CCDC163: variants seen among roughly 807,000 people sequenced by gnomAD.
CCDC163 encodes CCDC163 homolog.
In CCDC163, 13 loss-of-function variants were observed where a neutral mutation model predicts 8.2. That is an observed-to-expected ratio of 1.59 (90% confidence interval 1.04 to 2.54). CCDC163 has a LOEUF of 2.54. CCDC163 is among the 30% of genes most tolerant of loss of function. CCDC163 has a pLI of 0.00. For missense variants in CCDC163, 117 were observed against 78.6 expected (o/e 1.49, Z -1.85); for synonymous variants, 41 against 30.9 (o/e 1.33, Z -1.08).
intron 3 of CCDC163, 23 bp downstream of exon 3, chr1:45,497,276 G>A (rs1553161695): frequency 9.1e-6 from 7 of 771,098 alleles, no homozygotes; most frequent in African/African-American, 1.7e-5. Flanking sequence ...ACGCATATTC[G>A]CCCCCAACCA....
chr1:45,499,198 A>C, intron 2 of CCDC163, 147 bp downstream of exon 2: 1 of 653,010 alleles, frequency 1.5e-6, no homozygotes, highest in South Asian at 1.8e-5. Flanking sequence ...TGAGGAAATA[A>C]GGAAGGGTTA....
rs1643500226 is a variant in CCDC163 at position 45,500,016 on chromosome 1, A to T, written c.-407T>A. On this transcript the variant is annotated 5_prime_UTR_variant, in exon 1 of 5. Coordinates refer to ENST00000629482, the MANE Select transcript of CCDC163 (RefSeq NM_001102601.3). ...ACTTTGGACTGGCTGCCGCAGCGCC[A>T]CCTGGGAAACTGAGGTCGCCTCTTG... 1.4e-5 allele frequency: 7 copies of T among 513,084 alleles called. No homozygotes were observed. The highest frequency in any genetic ancestry group is 2.5e-5 in the Non-Finnish European group (7 of 282,178). 31.8% of individuals were successfully genotyped at this position (513,084 alleles called of 1,614,324 possible).
rs1483573714 is a variant in CCDC163, at chr1:45,499,640, G to A, written c.-31C>T. 1 of 737,734 alleles carries A rather than the reference G, an allele frequency of 1.4e-6. No individual in the cohort carries two copies. The highest frequency in any genetic ancestry group is 2.5e-6 in the Non-Finnish European group (1 of 396,326). The allele number at this position is 737,734 out of a possible 1,614,324, so 45.7% of individuals were successfully genotyped here. On this transcript the variant is annotated 5_prime_UTR_variant, in exon 1 of 5. Coordinates refer to ENST00000629482, the MANE Select transcript of CCDC163 (RefSeq NM_001102601.3). ...GTGGCAGGGGAGCGGCAGGGGTCTG[G>A]CTCCCTGGTGTCTTGTGCTTGCTCT... is the stretch of plus-strand genomic sequence containing the variant.
In CCDC163 at chr1:45,499,551, C is replaced by G; in HGVS notation, c.59G>C (p.Gly20Ala). Residue 20 changes from glycine (G) to alanine (A), a missense_variant, in exon 1 of 5, where the codon GGA becomes GCA. Physicochemically the swap from Gly to Ala is moderately conservative, Grantham distance 60. Transcript: ENST00000629482. The part of the protein sequence containing the change: ...QLDVLLNATD[G>A]NVVRNKQWLY... ...CCTCACCTTATTCCGGACCACATTT[C>G]CATCAGTAGCGTTGAGAAGCACATC... 1.3e-6 allele frequency: 1 copy of G among 779,138 alleles called. No individual in the cohort carries two copies. Among genetic ancestry groups the G allele is most frequent in the Non-Finnish European group, 2.4e-6 (1 of 417,250 alleles). 48.3% of individuals were successfully genotyped at this position (779,138 alleles called of 1,614,324 possible).
intron 4 of CCDC163, 145 bp from the exon 5 acceptor site, chr1:45,495,311 A>T: frequency 1.4e-6 from 1 of 703,258 alleles, no homozygotes; most frequent in Non-Finnish European, 2.6e-6. Flanking sequence ...GTTCACAGAA[A>T]GGCAGAGACT....
intron 2 of CCDC163, among the ~76,000 whole-genome samples, chr1:45,497,604 T>A: frequency 1.5e-5 from 2 of 133,004 alleles, no homozygotes; most frequent in Non-Finnish European, 3.2e-5. Context: ...CCGCCTGCCT[T>A]GGCCTCCCAA....
In CCDC163 at chr1:45,495,148, A is replaced by C. The variant is rs758702394; in HGVS notation, c.349T>G (p.Phe117Val). The change falls in exon 5 of 5, where the codon TTT becomes GTT. Residue 117 changes from phenylalanine (F) to valine (V), a missense_variant. By Grantham distance (50) the Phe-to-Val change is conservative. Transcript: ENST00000629482. ...GSWKIPRGAP[F>V]LTWSPASFSS... ...AAAGATGCTGGGCTCCAGGTTAGAA[A>C]GGGTGCTCCTCTGGGGATCTAAGAG... 3 of 780,742 alleles carry C rather than the reference A, an allele frequency of 3.8e-6. No homozygotes were observed. Among genetic ancestry groups the C allele is most frequent in the Non-Finnish European group, 7.2e-6 (3 of 417,992 alleles). The allele number at this position is 780,742 out of a possible 1,614,324, so 48.4% of individuals were successfully genotyped here. A position where few individuals can be genotyped will look rare whatever the true frequency, so the allele number is the denominator to read the frequency against.
At chr1:45,499,056 G>T (rs970178816) in intron 2 of CCDC163, among the ~76,000 whole-genome samples, 25 of 152,214 alleles carry the variant, frequency 1.6e-4, no homozygotes, top group African/African-American at 5.8e-4. Flanking sequence ...GAGAGGATGG[G>T]CTCTAGGACT....
At chr1:45,497,661 G>C (rs1474863466) in intron 2 of CCDC163, among the ~76,000 whole-genome samples, 1 of 93,498 alleles carries the variant, frequency 1.1e-5, no homozygotes, top group Non-Finnish European at 2.1e-5. Context: ...CGTCTGGGAA[G>C]TGAGGAGCGT....
intron 2 of CCDC163, among the ~76,000 whole-genome samples, chr1:45,497,643 C>T (rs1429004135): frequency 9.1e-4 from 69 of 75,988 alleles, no homozygotes; most frequent in East Asian, 3.0e-3. Flanking sequence ...TCTGCCCGGC[C>T]GCCACCCCGT....
rs906730931 is a variant in CCDC163 at position 45,494,126 on chromosome 1, T to A, written c.*933A>T. The A allele has an allele frequency of 3.3e-5, 5 of 151,852 alleles. No homozygotes were observed. Among genetic ancestry groups the A allele is most frequent in the African/African-American group, 1.2e-4 (5 of 41,294 alleles). 9.4% of individuals were successfully genotyped at this position (151,852 alleles called of 1,614,324 possible). On this transcript the variant is annotated 3_prime_UTR_variant, in exon 5 of 5. Coordinates refer to ENST00000629482, the MANE Select transcript of CCDC163 (RefSeq NM_001102601.3). ...GAAATGCAGTCTGGGCTGCTAAGGA[T>A]GATGTGTGGAGATGCCAAAGAGAGC...
rs1654128291 is a variant in CCDC163, at chr1:45,496,336, C to T, written c.330+220G>A. On this transcript the variant is annotated intron_variant, in intron 4 of 4. Transcript: ENST00000629482. ...CTCCCCATGACTGTCCTCTTCAGCA[C>T]ACTTGGAACCCTCATGTCGGCAAGG... is the stretch of plus-strand genomic sequence containing the variant. The T allele has an allele frequency of 7.6e-6, 5 of 655,716 alleles. No homozygotes were observed. The Admixed American group carries it at 1.1e-4, about 14-fold the overall frequency. The allele number at this position is 655,716 out of a possible 1,614,324, so 40.6% of individuals were successfully genotyped here. A position where few individuals can be genotyped will look rare whatever the true frequency, so the allele number is the denominator to read the frequency against.
At chr1:45,497,988 G>C (rs1643396444) in intron 2 of CCDC163, among the ~76,000 whole-genome samples, 2 of 149,260 alleles carry the variant, frequency 1.3e-5, no homozygotes, top group Non-Finnish European at 3.0e-5. Context: ...TGCCGTGTCT[G>C]TGTAGAAAGA....
In CCDC163 at chr1:45,499,562, G is replaced by A. The variant is rs759978591; in HGVS notation, c.48C>T (p.Asn16=). The A allele has an allele frequency of 6.4e-6, 5 of 778,768 alleles. No homozygotes were observed. The highest frequency in any genetic ancestry group is 1.2e-5 in the Non-Finnish European group (5 of 417,130). The allele number at this position is 778,768 out of a possible 1,614,324, so 48.2% of individuals were successfully genotyped here. A position where few individuals can be genotyped will look rare whatever the true frequency, so the allele number is the denominator to read the frequency against. ...SWFEQLDVLL[N]ATDGNVVRNK... ...TCCGGACCACATTTCCATCAGTAGC[G>A]TTGAGAAGCACATCCAGCTGCTCAA... The change falls in exon 1 of 5, where the codon AAC becomes AAT. Residue 16 remains asparagine (N), a synonymous_variant. Coordinates refer to ENST00000629482, the MANE Select transcript of CCDC163 (RefSeq NM_001102601.3).
rs372194476 is a variant in CCDC163 at position 45,496,527 on chromosome 1, T to G, written c.330+29A>C. 9 of 778,572 alleles carry G rather than the reference T, an allele frequency of 1.2e-5. No homozygotes were observed. The South Asian group carries it at 1.2e-4, about 11-fold the overall frequency. 48.2% of individuals were successfully genotyped at this position (778,572 alleles called of 1,614,324 possible). A position where few individuals can be genotyped will look rare whatever the true frequency, so the allele number is the denominator to read the frequency against. ...AGGAAAGGTCCTCCATAGAGAAATA[T>G]GCAGAGACAAGTCTGAACCTAGTCC... On this transcript the variant is annotated intron_variant, in intron 4 of 4. Coordinates refer to ENST00000629482, the MANE Select transcript of CCDC163 (RefSeq NM_001102601.3).
intron 4 of CCDC163, chr1:45,495,426 C>G (rs1439067303): frequency 1.4e-6 from 1 of 702,810 alleles, no homozygotes; most frequent in South Asian, 1.5e-5. Context: ...ACCTGGCTTC[C>G]ATAAAAGTTC....
At position 45,499,702 on chromosome 1, in the gene CCDC163, C is replaced by T. The variant is rs1197106205; in HGVS notation, c.-93G>A. ...ATACCCAAGGTATCCCCAGGAAAGG[C>T]CACCACGTTAGATGGAAAGAGGGAA... On this transcript the variant is annotated 5_prime_UTR_variant, in exon 1 of 5. Transcript: ENST00000629482. 7.3e-6 allele frequency: 5 copies of T among 687,396 alleles called. No individual in the cohort carries two copies. The highest frequency in any genetic ancestry group is 2.4e-4 in the Middle Eastern group (1 of 4,182). 42.6% of individuals were successfully genotyped at this position (687,396 alleles called of 1,614,324 possible).
At chr1:45,496,288 G>A in intron 4 of CCDC163, 2 of 535,890 alleles carry the variant, frequency 3.7e-6, no homozygotes, top group Non-Finnish European at 6.8e-6. Context: ...GGCTCAGGTG[G>A]AACCAAACCT....
intron 3 of CCDC163, among the ~76,000 whole-genome samples, 181 bp from the exon 4 acceptor site, chr1:45,496,804 T>C (rs1193617688): frequency 6.6e-6 from 1 of 152,154 alleles, no homozygotes; most frequent in Admixed American, 6.6e-5. Flanking sequence ...TGCAACAAAA[T>C]ACTTGGCCAC....
Sources: allele counts gnomAD v4.1 joint callset (sites outside exome capture counted in the v4.1 genomes callset), GRCh38; gene constraint gnomAD v4.1.1; transcripts MANE v1.5; gene names NCBI Gene and HGNC (gene_info 2026-07-23, HGNC 2026-07-21).